The following THSD4 variants were observed in gnomAD, a reference collection of about 807,000 sequenced individuals.
THSD4 encodes the protein thrombospondin type 1 domain containing 4.
A neutral mutation model predicts 119.0 loss-of-function variants in THSD4; 69 were observed. The ratio of observed to expected loss-of-function variants is 0.58; its 90% CI spans 0.48 to 0.71. THSD4 has a LOEUF of 0.71. Among genes scored for constraint, THSD4 ranks in the 30% least tolerant of loss-of-function variants. The pLI is 0.00. For missense variants in THSD4, 1,393 were observed against 1,391.1 expected, an observed-to-expected ratio of 1.00 and a Z score of -0.02; for synonymous variants, 524 against 540.4, an observed-to-expected ratio of 0.97 and a Z score of 0.42.
intron 7 of THSD4, among the ~76,000 whole-genome samples, chr15:71,507,426 T>TTTTAGGGCACTATG (rs1203061733): frequency 6.6e-6 from 1 of 152,028 alleles, no homozygotes; most frequent in Non-Finnish European, 1.5e-5. Context: ...ACTGCACTAT[T>TTTTAGGGCACTATG]TTGTAGAACA....
intron 7 of THSD4, 46 bp from the exon 8 acceptor site, chr15:71,660,484 G>A (rs1340525624): frequency 6.2e-7 from 1 of 1,608,146 alleles, no homozygotes; most frequent in Admixed American, 1.7e-5. Flanking sequence ...TCCTCTGCAT[G>A]CTCCTGATAC....
intron 6 of THSD4, among the ~76,000 whole-genome samples, chr15:71,347,735 G>A (rs12910873): frequency 0.37 from 56,968 of 151,956 alleles, 10,869 homozygotes; most frequent in South Asian, 0.5. Flanking sequence ...CTGAATAGCC[G>A]CATATGACTA....
At chr15:71,448,285 C>T (rs184568977) in intron 7 of THSD4, among the ~76,000 whole-genome samples, 47 of 152,290 alleles carry the variant, frequency 3.1e-4, no homozygotes, top group South Asian at 6.2e-4. Flanking sequence ...AGAAGACTGA[C>T]GCCCAGAGAA....
Position 71,652,577 on chromosome 15 carries a change from T to C in THSD4, c.1153-7953T>C, listed in dbSNP as rs990744959. On this transcript the variant is annotated intron_variant, in intron 7 of 17. Transcript: ENST00000261862. Reference sequence around the variant, plus strand: ...ACCCTCCAGAGAACGATGACCCTTGTTGGAATTGGGGGAGGTGGTAATTAT... The same window carrying C: ...ACCCTCCAGAGAACGATGACCCTTGCTGGAATTGGGGGAGGTGGTAATTAT... Among the ~76,000 whole-genome samples, 6 of 152,278 alleles carry C rather than the reference T, an allele frequency of 3.9e-5. No homozygotes were observed. In the East Asian group the frequency reaches 7.7e-4, roughly 20 times the overall value.
chr15:71,541,921 C>G (rs2048765500), intron 7 of THSD4, among the ~76,000 whole-genome samples: 1 of 152,076 alleles, frequency 6.6e-6, no homozygotes, highest in East Asian at 1.9e-4. Context: ...TGTGTGAACA[C>G]AAGACAGGAG....
intron 4 of THSD4, among the ~76,000 whole-genome samples, chr15:71,222,640 C>T (rs987250995): frequency 9.9e-5 from 15 of 152,084 alleles, no homozygotes; most frequent in African/African-American, 3.6e-4. Context: ...GGAGGGTGGG[C>T]TTCCCAGAAC....
intron 6 of THSD4, among the ~76,000 whole-genome samples, chr15:71,296,206 T>C (rs965480732): frequency 7.2e-5 from 11 of 152,356 alleles, no homozygotes; most frequent in South Asian, 6.2e-4. Flanking sequence ...GTAACTCTTA[T>C]GTGTAACTTT....
intron 7 of THSD4, among the ~76,000 whole-genome samples, chr15:71,492,590 A>G (rs1047641278): frequency 3.3e-5 from 5 of 152,162 alleles, no homozygotes; most frequent in Non-Finnish European, 5.9e-5. Flanking sequence ...GGGAAGCCCC[A>G]TGAAGCATAT....
At chr15:71,116,130 G>T (rs574613111) in intron 1 of THSD4, among the ~76,000 whole-genome samples, 2 of 152,278 alleles carry the variant, frequency 1.3e-5, no homozygotes, top group East Asian at 3.9e-4. Flanking sequence ...CCCGCCTGGG[G>T]CCCGAGAGCC....
intron 7 of THSD4, among the ~76,000 whole-genome samples, chr15:71,573,677 C>T (rs2049399487): frequency 6.6e-6 from 1 of 152,140 alleles, no homozygotes; most frequent in African/African-American, 2.4e-5. Flanking sequence ...TCTAATTTCC[C>T]TTCTACAATG....
In THSD4 at chr15:71,115,894, G is replaced by T. The variant is rs1345056716; in HGVS notation, c.-80+196G>T. Among the ~76,000 whole-genome samples, 4 of 152,058 alleles carry T rather than the reference G, an allele frequency of 2.6e-5. No homozygotes were observed. Among genetic ancestry groups the T allele is most frequent in the African/African-American group, 9.6e-5 (4 of 41,458 alleles). On this transcript the variant is annotated intron_variant, in intron 1 of 17. Coordinates refer to ENST00000261862, the MANE Select transcript of THSD4 (RefSeq NM_024817.3). The surrounding 1 kb of genome is among the most constrained non-coding windows in gnomAD (Gnocchi z 4.4). ...AGCCAGCGCGCGCCTGGTCCGTGCG[G>T]ACGGCTGCGCCTCCTTCTCTGGTTC...
chr15:71,320,108 G>T (rs1163549553), intron 6 of THSD4, among the ~76,000 whole-genome samples: 1 of 152,056 alleles, frequency 6.6e-6, no homozygotes, highest in East Asian at 1.9e-4. Flanking sequence ...GAGTCCACTG[G>T]GTTACCCCTA....
At chr15:71,390,109 T>A (rs534095875) in intron 6 of THSD4, among the ~76,000 whole-genome samples, 5 of 152,208 alleles carry the variant, frequency 3.3e-5, no homozygotes, top group Admixed American at 6.5e-5. Flanking sequence ...AAATAATAAA[T>A]CAGAATGAGC....
chr15:71,143,176 G>A (rs2040621506), intron 2 of THSD4, among the ~76,000 whole-genome samples: 1 of 152,196 alleles, frequency 6.6e-6, no homozygotes, highest in Non-Finnish European at 1.5e-5. Context: ...TCTGAAGGCT[G>A]TATGATATTG....
At chr15:71,158,025 G>C (rs1394296507) in intron 3 of THSD4, among the ~76,000 whole-genome samples, 11 of 151,694 alleles carry the variant, frequency 7.3e-5, no homozygotes, top group Admixed American at 7.2e-4. Context: ...TGGATCCTAT[G>C]GTGGTTCTAT....
At chr15:71,134,776 C>T (rs1261683578) in intron 1 of THSD4, among the ~76,000 whole-genome samples, 1 of 152,202 alleles carries the variant, frequency 6.6e-6, no homozygotes, top group Non-Finnish European at 1.5e-5. Flanking sequence ...ACATCCTCTC[C>T]AGCACCTGTT....
chr15:71,165,963 T>G (rs2043291258), intron 3 of THSD4, among the ~76,000 whole-genome samples: 2 of 152,068 alleles, frequency 1.3e-5, no homozygotes, highest in Admixed American at 1.3e-4. Context: ...GGTTATGTGG[T>G]GCTCTCTCTG....
Position 71,260,113 on chromosome 15 carries a change from C to G in THSD4, c.1015+3398C>G, listed in dbSNP as rs568967383. 4.7e-4 allele frequency among the ~76,000 whole-genome samples: 72 copies of G among 152,246 alleles called. 1 individual carries two copies. Among genetic ancestry groups the G allele is most frequent in the Non-Finnish European group, 6.3e-4 (43 of 68,008 alleles). ...ACCTTGAGGTCTGGTAGATGCAGGT[C>G]TAATATTGATAGCCCTATGCAAACC... is the stretch of plus-strand genomic sequence containing the variant. On this transcript the variant is annotated intron_variant, in intron 6 of 17. Transcript: ENST00000261862.
intron 7 of THSD4, among the ~76,000 whole-genome samples, chr15:71,472,394 G>T (rs1196360638): frequency 6.6e-6 from 1 of 152,116 alleles, no homozygotes. Context: ...ATCATCAACA[G>T]TTAATTCATT....
Sources: gnomAD v4.1 joint callset for allele counts (sites outside exome capture counted in the v4.1 genomes callset) on GRCh38, gnomAD v4.1.1 for gene constraint, Gnocchi (gnomAD v3.1) non-coding constraint, MANE v1.5 for transcripts, NCBI Gene and HGNC (gene_info 2026-07-23, HGNC 2026-07-21) for gene names.